LIMK1: variants seen among roughly 807,000 people sequenced by gnomAD.
LIMK1 encodes LIM domain kinase 1, also known as LIM motif-containing protein kinase.
In LIMK1, 21 loss-of-function variants were observed where a neutral mutation model predicts 77.6. That is an observed-to-expected ratio of 0.27 (90% CI 0.19 to 0.39). LIMK1 has a LOEUF of 0.39. Among genes scored for constraint, LIMK1 ranks in the 10% least tolerant of loss-of-function variants. The pLI, the probability that LIMK1 is intolerant of heterozygous loss-of-function variation, is 1.00. For synonymous variants in LIMK1, 358 were observed against 370.0 expected (o/e 0.97, Z 0.37); for missense variants, 696 against 901.6 (o/e 0.77, Z 2.92).
intron 13 of LIMK1, among the ~76,000 whole-genome samples, chr7:74,117,207 G>T (rs1554699677): frequency 6.6e-6 from 1 of 152,032 alleles, no homozygotes; most frequent in African/African-American, 2.4e-5. Flanking sequence ...AATAGAGACG[G>T]GGGTATCACT....
intron 1 of LIMK1, among the ~76,000 whole-genome samples, chr7:74,084,435 A>C (rs1382531660): frequency 6.6e-6 from 1 of 152,120 alleles, no homozygotes. Context: ...CCCGGGTCCC[A>C]GTGGCCGCCG....
chr7:74,093,016 C>T, intron 2 of LIMK1: 2 of 897,322 alleles, frequency 2.2e-6, no homozygotes, highest in Non-Finnish European at 1.6e-6. Flanking sequence ...ATCGCTCGCT[C>T]CCCACCCGCA....
intron 12 of LIMK1, among the ~76,000 whole-genome samples, chr7:74,115,025 A>G (rs1273056520): frequency 6.6e-6 from 1 of 152,042 alleles, no homozygotes; most frequent in Non-Finnish European, 1.5e-5. Flanking sequence ...GAAGTTGAAG[A>G]CCAGTCTGGG....
At chr7:74,100,022 GCATGGTTGCTCACACTTA>G (rs1325352379) in intron 5 of LIMK1, among the ~76,000 whole-genome samples, 2 of 152,204 alleles carry the variant, frequency 1.3e-5, no homozygotes, top group Non-Finnish European at 2.9e-5. Flanking sequence ...TAAAGGCTGG[GCATGGTTGCTCACACTTA>G]TAATCGAAAC....
chr7:74,114,733 G>C (rs561509365), intron 12 of LIMK1, among the ~76,000 whole-genome samples: 9 of 151,384 alleles, frequency 5.9e-5, no homozygotes, highest in African/African-American at 2.2e-4. Context: ...GGCTAACACG[G>C]TGAAACCCCG....
intron 2 of LIMK1, among the ~76,000 whole-genome samples, chr7:74,090,405 T>C (rs1199726033): frequency 6.6e-6 from 1 of 150,732 alleles, no homozygotes; most frequent in Non-Finnish European, 1.5e-5. Context: ...TGGGGAAAGA[T>C]CCACTAGAAG....
intron 3 of LIMK1, 24 bp from the exon 4 acceptor site, chr7:74,097,056 G>A (rs781965163): frequency 6.4e-7 from 1 of 1,569,604 alleles, no homozygotes; most frequent in Non-Finnish European, 8.7e-7. Flanking sequence ...GAGCTGGGCT[G>A]TTCCCTCCTC....
intron 14 of LIMK1, 97 bp from the exon 15 acceptor site, chr7:74,120,795 C>A: frequency 1.3e-6 from 2 of 1,565,476 alleles, no homozygotes; most frequent in Non-Finnish European, 1.8e-6. Context: ...AGGCTGCAGC[C>A]AGGCCCAGTG....
intron 13 of LIMK1, among the ~76,000 whole-genome samples, chr7:74,117,161 G>A (rs1355335294): frequency 1.3e-5 from 2 of 152,078 alleles, no homozygotes; most frequent in African/African-American, 4.8e-5. Flanking sequence ...GATTACAGGC[G>A]TGAGCCACCG....
chr7:74,099,288 A>G, intron 5 of LIMK1, 50 bp downstream of exon 5: 1 of 1,559,048 alleles, frequency 6.4e-7, no homozygotes, highest in South Asian at 1.1e-5. Flanking sequence ...ATGGCTGTTG[A>G]TGTGGGTGGC....
rs782135598 is a variant in LIMK1 at position 74,109,125 on chromosome 7, G to T, written c.1284+89G>T. The T allele has an allele frequency of 4.7e-6, 5 of 1,056,564 alleles. No individual in the cohort carries two copies. In the South Asian group the frequency reaches 5.4e-5, roughly 11 times the overall value. 65.4% of individuals were successfully genotyped at this position (1,056,564 alleles called of 1,614,324 possible). A position where few individuals can be genotyped will look rare whatever the true frequency, so the allele number is the denominator to read the frequency against. ...GAGCCTCAGTCTCATCTCTTCAATG[G>T]GGGGAAGCCACAGGGGTCTCAAAGG... On this transcript the variant is annotated intron_variant, in intron 10 of 15. Transcript: ENST00000336180.
At chr7:74,092,027 C>T (rs1403908187) in intron 2 of LIMK1, among the ~76,000 whole-genome samples, 2 of 128,750 alleles carry the variant, frequency 1.6e-5, no homozygotes, top group Non-Finnish European at 1.5e-5. Context: ...AGTGCAGTGG[C>T]GTGATCTCAG....
intron 3 of LIMK1, 38 bp downstream of exon 3, chr7:74,096,798 G>A (rs1554695710): frequency 1.3e-6 from 2 of 1,551,264 alleles, no homozygotes; most frequent in African/African-American, 2.7e-5. Context: ...CCTGGGGTGG[G>A]GGTATCCAAG....
chr7:74,096,816 C>A (rs1799345780), intron 3 of LIMK1, 56 bp downstream of exon 3: 1 of 1,532,210 alleles, frequency 6.5e-7, no homozygotes. Flanking sequence ...AAGCAGACCC[C>A]ATGCTCCAGG....
At chr7:74,084,792 G>A (rs1563909015) in intron 1 of LIMK1, among the ~76,000 whole-genome samples, 1 of 152,104 alleles carries the variant, frequency 6.6e-6, no homozygotes, top group African/African-American at 2.4e-5. Flanking sequence ...CAGGGTCTGG[G>A]GGCCCCTCCT....
In LIMK1 at chr7:74,106,980, G is replaced by A. The variant is rs773668097; in HGVS notation, c.882-30G>A. 2.6e-6 allele frequency: 4 copies of A among 1,530,972 alleles called. No individual in the cohort carries two copies. The Admixed American group carries it at 6.0e-5, about 23-fold the overall frequency. 94.8% of individuals were successfully genotyped at this position (1,530,972 alleles called of 1,614,324 possible). ...TTGGCCGGGTGCTACCTGTCCCCCG[G>A]TGGCACTTGGCACCATGTGTGCCCC... On this transcript the variant is annotated intron_variant, in intron 7 of 15. Transcript: ENST00000336180.
intron 8 of LIMK1, 150 bp downstream of exon 8, chr7:74,107,343 A>G: frequency 1.2e-6 from 1 of 824,946 alleles, no homozygotes; most frequent in Non-Finnish European, 1.8e-6. Flanking sequence ...CCTGGAGCTA[A>G]TTAGGAACAG....
At chr7:74,120,776 ACTGCAGTCAGG>A in intron 14 of LIMK1, 105 bp from the exon 15 acceptor site, 14 of 1,527,628 alleles carry the variant, frequency 9.2e-6, no homozygotes, top group Non-Finnish European at 1.2e-5. Flanking sequence ...CCCATGGGGT[ACTGCAGTCAGG>A]CTGCAGCCAG....
chr7:74,121,121 C>A lies in LIMK1; in HGVS notation c.1782-18C>A, dbSNP rs782633005. The A allele has an allele frequency of 2.7e-5, 44 of 1,610,152 alleles. No homozygotes were observed. The highest frequency in any genetic ancestry group is 3.6e-5 in the Non-Finnish European group (42 of 1,177,426). On this transcript the variant is annotated intron_variant, in intron 15 of 15. Coordinates refer to ENST00000336180, the MANE Select transcript of LIMK1 (RefSeq NM_002314.4). Reference sequence around the variant, plus strand: ...CGGGACAGCCAGACCCACCGTTCCCCACCCACCTGTCACCCAGGCCATCCT... The same window carrying A: ...CGGGACAGCCAGACCCACCGTTCCCAACCCACCTGTCACCCAGGCCATCCT...
Sources: gnomAD v4.1 joint callset for allele counts (sites outside exome capture counted in the v4.1 genomes callset) on GRCh38, gnomAD v4.1.1 for gene constraint, MANE v1.5 for transcripts, NCBI Gene and HGNC (gene_info 2026-07-23, HGNC 2026-07-21) for gene names.